The following NPEPL1 variants were observed in gnomAD, a reference collection of about 807,000 sequenced individuals.
The protein encoded by NPEPL1 is aminopeptidase like 1.
In NPEPL1, 45 loss-of-function variants were observed where a neutral mutation model predicts 52.4. That is an observed-to-expected ratio of 0.86 (90% CI 0.68 to 1.10). The LOEUF (loss-of-function observed/expected upper bound fraction) is 1.10, where lower values mean the gene tolerates loss of function less well. NPEPL1 is among the 50% of genes least tolerant of loss of function. The probability of loss-of-function intolerance (pLI) is 0.00; values close to 1 mark genes in which losing one functional copy is unlikely to be tolerated. For missense variants in NPEPL1, 696 were observed against 710.9 expected, an observed-to-expected ratio of 0.98 and a Z score of 0.24; for synonymous variants, 360 against 314.7, an observed-to-expected ratio of 1.14 and a Z score of -1.52.
chr20:58,714,935 G>A (rs1030585103), intron 11 of NPEPL1: 2 of 618,216 alleles, frequency 3.2e-6, no homozygotes, highest in Non-Finnish European at 5.6e-6. Flanking sequence ...AGCTCCCGGG[G>A]TGAAGGCAGA....
intron 7 of NPEPL1, among the ~76,000 whole-genome samples, chr20:58,708,389 C>T (rs886933544): frequency 2.0e-5 from 3 of 152,146 alleles, no homozygotes; most frequent in African/African-American, 4.8e-5. Flanking sequence ...GGGGCTGAGG[C>T]GGCCTGGGCA....
chr20:58,704,701 G>A (rs1050607409), intron 6 of NPEPL1, among the ~76,000 whole-genome samples: 8 of 152,208 alleles, frequency 5.3e-5, no homozygotes, highest in Non-Finnish European at 1.0e-4. Context: ...CAGTTGAACT[G>A]TATCAAGAAA....
intron 6 of NPEPL1, among the ~76,000 whole-genome samples, chr20:58,702,443 C>T (rs1001315064): frequency 1.3e-5 from 2 of 152,238 alleles, no homozygotes; most frequent in African/African-American, 4.8e-5. Flanking sequence ...TATTTCATAC[C>T]TGGAGAGGAT....
At chr20:58,714,134 G>A (rs1260682707) in intron 10 of NPEPL1, 41 bp downstream of exon 10, 3 of 1,512,410 alleles carry the variant, frequency 2.0e-6, no homozygotes, top group South Asian at 1.3e-5. Flanking sequence ...CCACATGGGT[G>A]GAGCCGGGCA....
intron 1 of NPEPL1, 54 bp from the exon 2 acceptor site, chr20:58,693,683 G>A (rs2084401417): frequency 3.9e-6 from 6 of 1,519,772 alleles, no homozygotes; most frequent in Non-Finnish European, 5.4e-6. Context: ...AGGGCCTCCT[G>A]GCACGTGGCC....
rs1259028979 is a variant in NPEPL1 at position 58,693,057 on chromosome 20, G to A, written c.150+7G>A. ...GCCCCGGGTCACCGAGGAGGTGAGC[G>A]GGCCGCCGGCCGCCATGCGACCCGC... On this transcript the variant is annotated splice_region_variant and intron_variant, in intron 1 of 11. Coordinates refer to ENST00000356091, the MANE Select transcript of NPEPL1 (RefSeq NM_024663.4). 50 of 1,021,058 alleles carry A rather than the reference G, an allele frequency of 4.9e-5. No individual in the cohort carries two copies. Among genetic ancestry groups the A allele is most frequent in the Non-Finnish European group, 5.5e-5 (47 of 852,738 alleles). The allele number at this position is 1,021,058 out of a possible 1,614,324, so 63.2% of individuals were successfully genotyped here. A position where few individuals can be genotyped will look rare whatever the true frequency, so the allele number is the denominator to read the frequency against.
rs1347422579 is a variant in NPEPL1 at position 58,707,047 on chromosome 20, G to C, written c.823-76G>C. The C allele has an allele frequency of 4.9e-6, 7 of 1,431,892 alleles. No homozygotes were observed. The Admixed American group carries it at 5.9e-5, about 12-fold the overall frequency. 88.7% of individuals were successfully genotyped at this position (1,431,892 alleles called of 1,614,324 possible). A position where few individuals can be genotyped will look rare whatever the true frequency, so the allele number is the denominator to read the frequency against. ...AGGTGGGGCTAGCGTGGGGCCGGGTGGGGGTGGGGGGCTTCCGCTGCCAGG... is the reference window on the plus strand; with the variant it reads ...AGGTGGGGCTAGCGTGGGGCCGGGTCGGGGTGGGGGGCTTCCGCTGCCAGG... On this transcript the variant is annotated intron_variant, in intron 6 of 11. Coordinates refer to ENST00000356091, the MANE Select transcript of NPEPL1 (RefSeq NM_024663.4).
chr20:58,702,514 C>T (rs1197210304), intron 6 of NPEPL1, among the ~76,000 whole-genome samples: 1 of 152,176 alleles, frequency 6.6e-6, no homozygotes, highest in South Asian at 2.1e-4. Flanking sequence ...GAAAATGACA[C>T]TAATCATAAA....
At chr20:58,708,458 G>T (rs2084776828) in intron 7 of NPEPL1, among the ~76,000 whole-genome samples, 1 of 151,850 alleles carries the variant, frequency 6.6e-6, no homozygotes, top group South Asian at 2.1e-4. Flanking sequence ...GCCTCTTAGG[G>T]CTCACGGCTG....
chr20:58,700,456 C>T (rs1016472342), intron 5 of NPEPL1, among the ~76,000 whole-genome samples: 1 of 152,222 alleles, frequency 6.6e-6, no homozygotes, highest in Admixed American at 6.5e-5. Context: ...TGGAGTTTGT[C>T]AGGCAGCCAT....
At chr20:58,707,422 G>T (rs1366883090) in intron 7 of NPEPL1, among the ~76,000 whole-genome samples, 4 of 152,256 alleles carry the variant, frequency 2.6e-5, no homozygotes, top group Non-Finnish European at 5.9e-5. Flanking sequence ...GTGCAGCCAT[G>T]TTCTCTGCTC....
chr20:58,694,271 C>G (rs2084414457), intron 2 of NPEPL1, 151 bp from the exon 3 acceptor site: 1 of 763,244 alleles, frequency 1.3e-6, no homozygotes, highest in Non-Finnish European at 2.1e-6. Context: ...CGGGGATGAC[C>G]TGAGGGATGG....
At chr20:58,693,970 G>C (rs754183746) in intron 2 of NPEPL1, 48 bp downstream of exon 2, 2 of 1,497,742 alleles carry the variant, frequency 1.3e-6, no homozygotes, top group East Asian at 5.0e-5. Context: ...GTCGGGCAGC[G>C]GTGAGCTCGG....
At chr20:58,702,864 A>G (rs982510070) in intron 6 of NPEPL1, among the ~76,000 whole-genome samples, 3 of 152,270 alleles carry the variant, frequency 2.0e-5, no homozygotes, top group African/African-American at 7.2e-5. Flanking sequence ...AGTAAATTCC[A>G]GCAATCACAA....
intron 7 of NPEPL1, among the ~76,000 whole-genome samples, chr20:58,709,944 C>T (rs144976729): frequency 6.6e-6 from 1 of 152,100 alleles, no homozygotes; most frequent in East Asian, 1.9e-4. Context: ...TTGGTGATTA[C>T]TACCCCCTGC....
Position 58,713,945 on chromosome 20 carries a change from C to T in NPEPL1, c.1154C>T (p.Ala385Val), listed in dbSNP as rs745858032. ...QGIATGKYHAAVLTNSAEWEA... is the reference protein window; with the variant it reads ...QGIATGKYHAVVLTNSAEWEA... ...ATTGCCACAGGGAAGTACCACGCCG[C>T]GGTGCTCACCAACAGCGCTGAGTGG... The change falls in exon 10 of 12, where the codon GCG becomes GTG. Residue 385 changes from alanine to valine, a missense_variant. Transcript: ENST00000356091. This position sits in a 1 kb window ranked among gnomAD's most constrained non-coding sequence, Gnocchi z 4.6. 54 of 1,507,326 alleles carry T rather than the reference C, an allele frequency of 3.6e-5. No individual in the cohort carries two copies. Among genetic ancestry groups the T allele is most frequent in the Admixed American group, 7.6e-5 (3 of 39,714 alleles). 93.4% of individuals were successfully genotyped at this position (1,507,326 alleles called of 1,614,324 possible).
rs73618614 is a variant in NPEPL1, at chr20:58,703,626, C to T, written c.822+2468C>T. 234 of 985,332 alleles carry T rather than the reference C, an allele frequency of 2.4e-4. 1 individual carries two copies. In the East Asian group the frequency reaches 0.019, roughly 82 times the overall value. 61.0% of individuals were successfully genotyped at this position (985,332 alleles called of 1,614,324 possible). ...AGCTTCCTGGGAATTCATTCGTTTGCTTGTGGCACTAACTCTAGTCACTTA... is the reference window on the plus strand; with the variant it reads ...AGCTTCCTGGGAATTCATTCGTTTGTTTGTGGCACTAACTCTAGTCACTTA... On this transcript the variant is annotated intron_variant, in intron 6 of 11. Transcript: ENST00000356091.
intron 6 of NPEPL1, chr20:58,703,365 G>A (rs548580010): frequency 2.3e-4 from 131 of 571,344 alleles, no homozygotes; most frequent in African/African-American, 1.1e-3. Flanking sequence ...ACCGGCACAC[G>A]GTGGTAATAA....
At chr20:58,708,521 T>C (rs1413078408) in intron 7 of NPEPL1, among the ~76,000 whole-genome samples, 1 of 151,852 alleles carries the variant, frequency 6.6e-6, no homozygotes, top group Non-Finnish European at 1.5e-5. Context: ...GCAAGCCCCA[T>C]GCCTCCATGA....
Sources: gnomAD v4.1 joint callset for allele counts (sites outside exome capture counted in the v4.1 genomes callset) on GRCh38, gnomAD v4.1.1 for gene constraint, Gnocchi (gnomAD v3.1) non-coding constraint, MANE v1.5 for transcripts, NCBI Gene and HGNC (gene_info 2026-07-23, HGNC 2026-07-21) for gene names.